MYRIP: variants seen among roughly 807,000 people sequenced by gnomAD.
The protein encoded by MYRIP is myosin VIIA and Rab interacting protein, also known as rab effector MyRIP.
In MYRIP, 49 loss-of-function variants were observed where a neutral mutation model predicts 98.0. The ratio of observed to expected loss-of-function variants is 0.50; its 90% CI spans 0.40 to 0.63. The LOEUF is 0.63. Ranked by LOEUF, MYRIP falls within the 30% of genes least tolerant of loss-of-function variation. MYRIP has a pLI of 0.00. For missense variants in MYRIP, 1,004 were observed against 1,058.2 expected (o/e 0.95, Z 0.71); for synonymous variants, 404 against 409.5 (o/e 0.99, Z 0.16).
chr3:40,086,631 T>C (rs1948633297), intron 3 of MYRIP, among the ~76,000 whole-genome samples: 2 of 152,164 alleles, frequency 1.3e-5, no homozygotes, highest in Admixed American at 6.5e-5. Flanking sequence ...GCAGAAAGAA[T>C]ACCAACCCTA....
intron 3 of MYRIP, among the ~76,000 whole-genome samples, chr3:40,087,271 T>A (rs1948649221): frequency 6.6e-6 from 1 of 152,070 alleles, no homozygotes; most frequent in South Asian, 2.1e-4. Context: ...AGTGTAACAG[T>A]CCCAGCCTCA....
chr3:40,239,828 T>C (rs1227136063), intron 12 of MYRIP, among the ~76,000 whole-genome samples: 2 of 91,772 alleles, frequency 2.2e-5, no homozygotes, highest in Admixed American at 1.3e-4. Flanking sequence ...GATGAGTAGG[T>C]TGCGAAAATT....
At chr3:40,239,212 C>G (rs1952921750) in intron 12 of MYRIP, among the ~76,000 whole-genome samples, 1 of 151,812 alleles carries the variant, frequency 6.6e-6, no homozygotes, top group Non-Finnish European at 1.5e-5. Context: ...CCAATTTCAT[C>G]CATGTCCCTA....
chr3:39,956,948 G>A (rs1189852575), intron 2 of MYRIP, among the ~76,000 whole-genome samples: 4 of 151,550 alleles, frequency 2.6e-5, no homozygotes, highest in Non-Finnish European at 5.9e-5. Context: ...ATAAATTCCT[G>A]GACACATACA....
At chr3:39,823,810 C>G (rs963658834) in intron 1 of MYRIP, among the ~76,000 whole-genome samples, 5 of 151,994 alleles carry the variant, frequency 3.3e-5, no homozygotes, top group Non-Finnish European at 7.4e-5. Flanking sequence ...TCTTATCACT[C>G]TATTTATTAT....
intron 12 of MYRIP, among the ~76,000 whole-genome samples, chr3:40,235,696 G>C (rs974772218): frequency 6.6e-6 from 1 of 152,164 alleles, no homozygotes; most frequent in African/African-American, 2.4e-5. Flanking sequence ...TTTTTCTGAG[G>C]ACCCTGACTT....
chr3:39,833,291 A>T (rs777816283), intron 1 of MYRIP, among the ~76,000 whole-genome samples: 17 of 152,120 alleles, frequency 1.1e-4, no homozygotes, highest in African/African-American at 2.4e-4. Flanking sequence ...ATAAATGGGA[A>T]TTTTTTTGGG....
intron 1 of MYRIP, among the ~76,000 whole-genome samples, chr3:39,858,266 C>T (rs780529188): frequency 1.3e-5 from 2 of 152,046 alleles, no homozygotes; most frequent in African/African-American, 4.8e-5. Context: ...AGACAAAATA[C>T]ACTTTCAATA....
chr3:40,203,172 T>G (rs1373347737), intron 10 of MYRIP, among the ~76,000 whole-genome samples: 1 of 151,956 alleles, frequency 6.6e-6, no homozygotes, highest in Non-Finnish European at 1.5e-5. Flanking sequence ...CCTCATAATC[T>G]GCCCACCTCA....
intron 2 of MYRIP, among the ~76,000 whole-genome samples, chr3:39,919,695 TGTGTGTG>T (rs1259802813): frequency 4.3e-5 from 3 of 69,298 alleles, no homozygotes; most frequent in African/African-American, 2.2e-4. Context: ...GTATGTGTGG[TGTGTGTG>T]TGTGTGTGTG....
rs552486574 is a variant in MYRIP, at chr3:40,182,862, T to C, written c.1027+489T>C. 1.5e-4 allele frequency among the ~76,000 whole-genome samples: 23 copies of C among 152,336 alleles called. 1 individual carries two copies. The South Asian group carries it at 3.9e-3, about 26-fold the overall frequency. On this transcript the variant is annotated intron_variant, in intron 9 of 16. Coordinates refer to ENST00000302541, the MANE Select transcript of MYRIP (RefSeq NM_015460.4). ...GATGTCCTTTCTGAAACTGGATAAA[T>C]TAGTTAGGGTAGCATATGCCACTAT...
intron 1 of MYRIP, among the ~76,000 whole-genome samples, chr3:39,862,436 C>T (rs1942500285): frequency 6.6e-6 from 1 of 152,030 alleles, no homozygotes; most frequent in East Asian, 1.9e-4. Flanking sequence ...AACAAGTGTG[C>T]ATACTAACCA....
At chr3:39,819,582 G>A (rs983145581) in intron 1 of MYRIP, among the ~76,000 whole-genome samples, 10 of 152,148 alleles carry the variant, frequency 6.6e-5, no homozygotes, top group African/African-American at 2.2e-4. Context: ...GAAGACTTTC[G>A]TTGGGGTAAC....
intron 3 of MYRIP, among the ~76,000 whole-genome samples, chr3:40,072,059 T>C (rs986414323): frequency 1.9e-4 from 29 of 152,016 alleles, no homozygotes; most frequent in African/African-American, 6.8e-4. Flanking sequence ...CCCAGTTTGG[T>C]TGTGTGATTT....
intron 12 of MYRIP, among the ~76,000 whole-genome samples, chr3:40,234,622 C>A (rs1952772723): frequency 6.6e-6 from 1 of 152,080 alleles, no homozygotes; most frequent in South Asian, 2.1e-4. Context: ...ATTGCCAGTG[C>A]CACTACAGGG....
intron 4 of MYRIP, among the ~76,000 whole-genome samples, chr3:40,157,842 T>A (rs1378602562): frequency 6.6e-6 from 1 of 151,584 alleles, no homozygotes; most frequent in Non-Finnish European, 1.5e-5. Context: ...GGTGGTGATA[T>A]CCCCTTTATC....
At chr3:40,121,034 T>C (rs1949392654) in intron 3 of MYRIP, among the ~76,000 whole-genome samples, 1 of 152,062 alleles carries the variant, frequency 6.6e-6, no homozygotes, top group South Asian at 2.1e-4. Context: ...CTAAGAGCCA[T>C]GGAGACCAGC....
chr3:39,900,059 G>T (rs1407601426), intron 1 of MYRIP, among the ~76,000 whole-genome samples: 1 of 152,154 alleles, frequency 6.6e-6, no homozygotes, highest in Non-Finnish European at 1.5e-5. Flanking sequence ...GATGTCAGGT[G>T]ATCTGCCCAC....
intron 3 of MYRIP, among the ~76,000 whole-genome samples, chr3:40,091,284 G>A (rs1948732727): frequency 7.3e-6 from 1 of 137,440 alleles, no homozygotes; most frequent in Non-Finnish European, 1.6e-5. Flanking sequence ...CTGGCCAGAT[G>A]CTTCACCTTA....
Sources: gnomAD v4.1 joint callset for allele counts (sites outside exome capture counted in the v4.1 genomes callset) on GRCh38, gnomAD v4.1.1 for gene constraint, MANE v1.5 for transcripts, NCBI Gene and HGNC (gene_info 2026-07-23, HGNC 2026-07-21) for gene names.